The following PANK1 variants were observed in gnomAD, a reference collection of about 807,000 sequenced individuals.
PANK1 encodes pantothenate kinase 1, also known as pantothenic acid kinase 1.
A neutral mutation model predicts 40.1 loss-of-function variants in PANK1; 18 were observed. That is an observed-to-expected ratio of 0.45 (90% CI 0.31 to 0.67). The LOEUF is 0.67. PANK1 is among the 30% of genes least tolerant of loss of function. The pLI, the probability that PANK1 is intolerant of heterozygous loss-of-function variation, is 0.06. For missense variants in PANK1, 457 were observed against 599.6 expected, an observed-to-expected ratio of 0.76 and a Z score of 2.48; for synonymous variants, 242 against 237.7, an observed-to-expected ratio of 1.02 and a Z score of -0.17.
At chr10:89,643,881 T>C (rs1842033733) in intron 1 of PANK1, 3 of 1,437,632 alleles carry the variant, frequency 2.1e-6, no homozygotes, top group Non-Finnish European at 2.7e-6. Flanking sequence ...TGTGAAATAA[T>C]GCACTTCGGC....
intron 1 of PANK1, among the ~76,000 whole-genome samples, chr10:89,627,957 G>T (rs1220902468): frequency 6.6e-6 from 1 of 152,166 alleles, no homozygotes; most frequent in Non-Finnish European, 1.5e-5. Context: ...GGCTATTAGG[G>T]AAATGCACAT....
downstream of PANK1, chr10:89,580,753 AC>A (rs564787882): frequency 0.013 from 2,033 of 152,124 alleles, 16 homozygotes; most frequent in Non-Finnish European, 0.024. Flanking sequence ...ATCTCCCACC[AC>A]TTTCTATTTT....
chr10:89,621,903 G>A (rs1021853561), intron 1 of PANK1, among the ~76,000 whole-genome samples: 4 of 152,130 alleles, frequency 2.6e-5, no homozygotes, highest in Non-Finnish European at 5.9e-5. Flanking sequence ...TAGTAGAGAC[G>A]GGATTTTGCC....
At chr10:89,644,328 T>C (rs889513681) in intron 1 of PANK1, among the ~76,000 whole-genome samples, 4 of 152,210 alleles carry the variant, frequency 2.6e-5, no homozygotes, top group Non-Finnish European at 4.4e-5. Flanking sequence ...TCGCTTATTA[T>C]ATATCCTTGA....
intron 2 of PANK1, among the ~76,000 whole-genome samples, chr10:89,601,822 TAAA>T (rs1844795046): frequency 6.6e-6 from 1 of 152,208 alleles, no homozygotes; most frequent in Non-Finnish European, 1.5e-5. Context: ...ATTACAGGTA[TAAA>T]ACTATCTGGA....
intron 5 of PANK1, chr10:89,592,912 A>G (rs1178646019): frequency 1.5e-5 from 8 of 524,746 alleles, no homozygotes; most frequent in Non-Finnish European, 2.6e-5. Context: ...CAGTGGACAC[A>G]TGGCAATAAT....
Position 89,620,868 on chromosome 10 carries a change from G to A in PANK1, c.293-8820C>T, listed in dbSNP as rs141383725. On this transcript the variant is annotated intron_variant, in intron 1 of 6. Coordinates refer to ENST00000307534, the MANE Select transcript of PANK1 (RefSeq NM_148977.3). ...ACTCTTTCTCTTTATTTCTCAGACC[G>A]GCCAACACTTAGGGAAAACAGAAAA... Among the ~76,000 whole-genome samples, 278 of 152,162 alleles carry A rather than the reference G, an allele frequency of 1.8e-3. 1 individual carries two copies. Among genetic ancestry groups the A allele is most frequent in the African/African-American group, 6.0e-3 (251 of 41,508 alleles).
Position 89,641,649 on chromosome 10 carries a change from G to A in PANK1, c.292+2951C>T, listed in dbSNP as rs566882201. Among the ~76,000 whole-genome samples, 1,206 of 152,110 alleles carry A rather than the reference G, an allele frequency of 7.9e-3. 15 individuals carry two copies. The highest frequency in any genetic ancestry group is 0.028 in the African/African-American group (1,146 of 41,490). On this transcript the variant is annotated intron_variant, in intron 1 of 6. Transcript: ENST00000307534. The stretch of plus-strand genomic sequence containing the variant: ...TGGGAGGCTGAGGCAGGAGAATGGC[G>A]TGAAGCCAGGAGGCGGAGCTTGCAG...
intron 1 of PANK1, among the ~76,000 whole-genome samples, chr10:89,630,134 G>A (rs1442617064): frequency 6.6e-6 from 1 of 152,188 alleles, no homozygotes; most frequent in East Asian, 1.9e-4. Flanking sequence ...TGTGGTACAC[G>A]TGTGCTGAAG....
At chr10:89,627,387 C>T (rs1422947336) in intron 1 of PANK1, among the ~76,000 whole-genome samples, 4 of 152,042 alleles carry the variant, frequency 2.6e-5, no homozygotes, top group African/African-American at 4.8e-5. Context: ...GGATGATATG[C>T]GTAGATTACA....
At chr10:89,644,490 A>G in intron 1 of PANK1, 110 bp downstream of exon 1, 1 of 957,746 alleles carries the variant, frequency 1.0e-6, no homozygotes, top group Non-Finnish European at 1.5e-6. Flanking sequence ...TCGACCGCAG[A>G]CGCGGGGGCG....
chr10:89,592,661 A>G, intron 5 of PANK1: 1 of 512,006 alleles, frequency 2.0e-6, no homozygotes, highest in Non-Finnish European at 4.0e-6. Context: ...GCAATGCTTC[A>G]AAACATGTTA....
At chr10:89,613,995 T>G (rs752049426) in intron 1 of PANK1, 5 of 456,716 alleles carry the variant, frequency 1.1e-5, no homozygotes, top group South Asian at 7.7e-5. Context: ...ATCTCGAATT[T>G]CTTCCCTACT....
At chr10:89,625,911 C>T (rs187732212) in intron 1 of PANK1, 2 of 152,092 alleles carry the variant, frequency 1.3e-5, no homozygotes, top group East Asian at 3.9e-4. Flanking sequence ...ATTTTTTTTC[C>T]TTCAGTCTTT....
intron 1 of PANK1, among the ~76,000 whole-genome samples, chr10:89,636,562 C>A (rs1841821326): frequency 6.6e-6 from 1 of 152,062 alleles, no homozygotes; most frequent in African/African-American, 2.4e-5. Flanking sequence ...AGCGATTCTG[C>A]TGCCTCAGCC....
intron 1 of PANK1, chr10:89,639,239 C>T (rs1841905098): frequency 1.1e-5 from 5 of 452,206 alleles, no homozygotes; most frequent in Non-Finnish European, 2.2e-5. Context: ...GGCAAAAGAG[C>T]ATGCTTGAGA....
At chr10:89,588,356 T>C (rs1844267639) in intron 6 of PANK1, among the ~76,000 whole-genome samples, 1 of 152,228 alleles carries the variant, frequency 6.6e-6, no homozygotes, top group Admixed American at 6.5e-5. Flanking sequence ...CTGGATCATA[T>C]GGTAATTTTA....
In PANK1 at chr10:89,644,987, G is replaced by T. The variant is rs759799730; in HGVS notation, c.-96C>A. On this transcript the variant is annotated 5_prime_UTR_variant, in exon 1 of 7. Transcript: ENST00000307534. Reference sequence around the variant, plus strand: ...TTTATTTCCCCGGATCCTCCCTGCGGCTTCCGATTCAGCAGCCGCAGAGCC... The same window carrying T: ...TTTATTTCCCCGGATCCTCCCTGCGTCTTCCGATTCAGCAGCCGCAGAGCC... 1.3e-6 allele frequency: 2 copies of T among 1,576,648 alleles called. No homozygotes were observed. Among genetic ancestry groups the T allele is most frequent in the Non-Finnish European group, 1.7e-6 (2 of 1,164,574 alleles).
At chr10:89,588,916 C>T (rs962305285) in intron 5 of PANK1, 139 bp from the exon 6 acceptor site, 16 of 556,566 alleles carry the variant, frequency 2.9e-5, no homozygotes, top group East Asian at 6.8e-5. Context: ...ATTTCAACAT[C>T]GCCAAAATGA....
Sources: allele counts gnomAD v4.1 joint callset (sites outside exome capture counted in the v4.1 genomes callset), GRCh38; gene constraint gnomAD v4.1.1; transcripts MANE v1.5; gene names NCBI Gene and HGNC (gene_info 2026-07-23, HGNC 2026-07-21).